The following TAF3 variants were observed in gnomAD, a reference collection of about 807,000 sequenced individuals.
TAF3 encodes TATA-box binding protein associated factor 3.
TAF3 carries 7 observed loss-of-function variants against 80.6 expected under a neutral mutation model. That is an observed-to-expected ratio of 0.09 (90% CI 0.05 to 0.16). The LOEUF is 0.16. TAF3 is among the 10% of genes least tolerant of loss of function. The probability of loss-of-function intolerance (pLI) is 1.00; values close to 1 mark genes in which losing one functional copy is unlikely to be tolerated. For missense variants in TAF3, 921 were observed against 1,140.2 expected (o/e 0.81, Z 2.77); for synonymous variants, 444 against 446.1 (o/e 1.00, Z 0.06).
chr10:7,878,794 T>C (rs921228084), intron 2 of TAF3, among the ~76,000 whole-genome samples: 5 of 151,992 alleles, frequency 3.3e-5, no homozygotes, highest in Non-Finnish European at 5.9e-5. Flanking sequence ...AGCGGCATGA[T>C]TGGGGCTCAC....
At chr10:7,856,174 C>T (rs1039340316) in intron 2 of TAF3, among the ~76,000 whole-genome samples, 7 of 151,944 alleles carry the variant, frequency 4.6e-5, no homozygotes, top group African/African-American at 1.7e-4. Flanking sequence ...TAAGGAAATC[C>T]TAGAAAAAGC....
chr10:7,834,465 A>G (rs1255852206), intron 2 of TAF3, among the ~76,000 whole-genome samples: 10 of 150,452 alleles, frequency 6.6e-5, no homozygotes, highest in Non-Finnish European at 1.5e-4. Context: ...TCAAGTACAC[A>G]GTCTCGGTGC....
chr10:7,871,095 C>G (rs10752118), intron 2 of TAF3, among the ~76,000 whole-genome samples: 3 of 151,846 alleles, frequency 2.0e-5, no homozygotes, highest in African/African-American at 7.3e-5. Context: ...TGTAGTCAGT[C>G]GTTTAATATA....
At chr10:7,988,162 T>C (rs1831796101) in intron 4 of TAF3, among the ~76,000 whole-genome samples, 1 of 152,188 alleles carries the variant, frequency 6.6e-6, no homozygotes, top group Non-Finnish European at 1.5e-5. Context: ...GTTACTGCTA[T>C]TAAATCAAGG....
At chr10:7,852,809 A>C (rs1837041791) in intron 2 of TAF3, among the ~76,000 whole-genome samples, 1 of 152,178 alleles carries the variant, frequency 6.6e-6, no homozygotes, top group Non-Finnish European at 1.5e-5. Context: ...CCTATCATCT[A>C]CTATTTGGTT....
intron 2 of TAF3, among the ~76,000 whole-genome samples, chr10:7,877,226 A>G (rs1481902268): frequency 6.6e-6 from 1 of 152,196 alleles, no homozygotes; most frequent in African/African-American, 2.4e-5. Flanking sequence ...GAAATAATTT[A>G]TACTGATTTC....
At chr10:7,923,608 A>T (rs1021253561) in intron 2 of TAF3, among the ~76,000 whole-genome samples, 2 of 151,746 alleles carry the variant, frequency 1.3e-5, no homozygotes, top group Non-Finnish European at 2.9e-5. Context: ...AACAAAACAA[A>T]AAAACCCCTC....
intron 5 of TAF3, among the ~76,000 whole-genome samples, chr10:8,013,470 C>T (rs533658199): frequency 6.6e-6 from 1 of 151,970 alleles, no homozygotes; most frequent in African/African-American, 2.4e-5. Flanking sequence ...TTATAAAATG[C>T]TTTTTATGAC....
intron 2 of TAF3, among the ~76,000 whole-genome samples, chr10:7,843,364 C>T (rs1836938082): frequency 6.6e-6 from 1 of 152,052 alleles, no homozygotes; most frequent in Non-Finnish European, 1.5e-5. Flanking sequence ...CCCACTCAGC[C>T]TCCTAAAGTG....
chr10:7,869,534 T>C (rs1435936775), intron 2 of TAF3, among the ~76,000 whole-genome samples: 1 of 152,236 alleles, frequency 6.6e-6, no homozygotes, highest in East Asian at 1.9e-4. Context: ...GTTGTGACAT[T>C]TAGATTGTGT....
At chr10:7,842,353 T>C (rs1408483327) in intron 2 of TAF3, among the ~76,000 whole-genome samples, 1 of 151,750 alleles carries the variant, frequency 6.6e-6, no homozygotes, top group Non-Finnish European at 1.5e-5. Context: ...AGAGATGAGG[T>C]TTCAGTATAT....
At position 7,857,084 on chromosome 10, in the gene TAF3, G is replaced by A. The variant is rs545828006; in HGVS notation, c.409+32524G>A. On this transcript the variant is annotated intron_variant, in intron 2 of 6. Coordinates refer to ENST00000344293, the MANE Select transcript of TAF3 (RefSeq NM_031923.4). ...ACTGACAGATGAATATAGTTCCAAC[G>A]TGAATGTTGGTTGATATTTTCCTTT... Among the ~76,000 whole-genome samples, 377 of 152,286 alleles carry A rather than the reference G, an allele frequency of 2.5e-3. 1 individual carries two copies. Among genetic ancestry groups the A allele is most frequent in the African/African-American group, 8.8e-3 (365 of 41,564 alleles).
At chr10:7,873,617 T>TCCCCC (rs76357762) in intron 2 of TAF3, among the ~76,000 whole-genome samples, 3 of 92,854 alleles carry the variant, frequency 3.2e-5, no homozygotes, top group Admixed American at 2.0e-4. Context: ...ATCCGAGTTC[T>TCCCCC]CCCCCCCCCC....
intron 2 of TAF3, among the ~76,000 whole-genome samples, chr10:7,935,325 C>T (rs1322428988): frequency 3.3e-5 from 5 of 151,526 alleles, no homozygotes; most frequent in Non-Finnish European, 5.9e-5. Flanking sequence ...CGGCCAGGCG[C>T]GGTGGCTTAT....
chr10:7,941,472 G>A (rs924415424), intron 2 of TAF3, among the ~76,000 whole-genome samples: 25 of 152,170 alleles, frequency 1.6e-4, no homozygotes, highest in African/African-American at 6.0e-4. Context: ...GAATGGCTGG[G>A]GCAGGTCAGA....
chr10:8,001,910 C>CAA (rs1564381196), intron 4 of TAF3, among the ~76,000 whole-genome samples: 1 of 152,146 alleles, frequency 6.6e-6, no homozygotes, highest in Admixed American at 6.5e-5. Context: ...CTACCTCCAA[C>CAA]AAACATTTTC....
chr10:7,959,395 C>A (rs925046318), intron 2 of TAF3, among the ~76,000 whole-genome samples: 5 of 152,140 alleles, frequency 3.3e-5, no homozygotes, highest in Non-Finnish European at 7.3e-5. Context: ...TAATTCATTT[C>A]TATTCCTTTA....
At chr10:7,894,456 CA>C (rs1306613193) in intron 2 of TAF3, among the ~76,000 whole-genome samples, 1 of 152,198 alleles carries the variant, frequency 6.6e-6, no homozygotes, top group Non-Finnish European at 1.5e-5. Context: ...TCCATGTCTT[CA>C]TCCTAGCAAG....
chr10:8,000,801 A>G (rs1029366534), intron 4 of TAF3, among the ~76,000 whole-genome samples: 2 of 152,114 alleles, frequency 1.3e-5, no homozygotes, highest in Non-Finnish European at 2.9e-5. Context: ...AATAGATAAA[A>G]CATCTATAAT....
Sources: allele counts gnomAD v4.1 joint callset (sites outside exome capture counted in the v4.1 genomes callset), GRCh38; gene constraint gnomAD v4.1.1; transcripts MANE v1.5; gene names NCBI Gene and HGNC (gene_info 2026-07-23, HGNC 2026-07-21).